Variants in CNTN6 observed in about 807,000 individuals in gnomAD.
The protein encoded by CNTN6 is contactin-6.
A neutral mutation model predicts 122.8 loss-of-function variants in CNTN6; 137 were observed. The observed-to-expected ratio is 1.12, with a 90% confidence interval of 0.97 to 1.29. CNTN6 has a LOEUF of 1.29. Among genes scored for constraint, CNTN6 ranks in the 50% most tolerant of loss-of-function variants. CNTN6 has a pLI of 0.00. For missense variants in CNTN6, 1,634 were observed against 1,223.4 expected (o/e 1.34, Z -5.01); for synonymous variants, 570 against 426.0 (o/e 1.34, Z -4.16).
chr3:1,115,293 T>C (rs987638471), intron 1 of CNTN6, among the ~76,000 whole-genome samples: 1 of 152,178 alleles, frequency 6.6e-6, no homozygotes, highest in African/African-American at 2.4e-5. Flanking sequence ...ATGAATGTAT[T>C]GCTAGGGTTA....
At chr3:1,402,774 C>G (rs558818394) in intron 22 of CNTN6, 5 of 269,180 alleles carry the variant, frequency 1.9e-5, no homozygotes, top group South Asian at 9.5e-5. Flanking sequence ...TCACAAAAAT[C>G]AGAAAGATTT....
At chr3:1,384,317 T>C (rs183500817) in intron 19 of CNTN6, among the ~76,000 whole-genome samples, 1 of 149,818 alleles carries the variant, frequency 6.7e-6, no homozygotes, top group African/African-American at 2.5e-5. Context: ...AGAGGTGAAG[T>C]CTGCTCCTCA....
intron 2 of CNTN6, among the ~76,000 whole-genome samples, chr3:1,194,429 C>A (rs2093746587): frequency 6.6e-6 from 1 of 151,772 alleles, no homozygotes. Context: ...GAAAAACTTG[C>A]AAAGAAAATT....
intron 2 of CNTN6, among the ~76,000 whole-genome samples, chr3:1,172,473 A>C (rs923457347): frequency 1.3e-5 from 2 of 152,186 alleles, no homozygotes; most frequent in African/African-American, 4.8e-5. Flanking sequence ...TTTCGAGTAA[A>C]GTTTTCTGAG....
chr3:1,139,736 T>G (rs898621693), intron 1 of CNTN6, among the ~76,000 whole-genome samples: 6 of 152,036 alleles, frequency 3.9e-5, no homozygotes, highest in Non-Finnish European at 8.8e-5. Context: ...AACAAATTTG[T>G]AGAAAATAAA....
chr3:1,315,798 C>T (rs1265199791), intron 7 of CNTN6, among the ~76,000 whole-genome samples: 3 of 151,148 alleles, frequency 2.0e-5, no homozygotes, highest in African/African-American at 7.4e-5. Context: ...GTGAACATGA[C>T]TACTATGATC....
intron 11 of CNTN6, among the ~76,000 whole-genome samples, chr3:1,346,178 T>TA (rs1326427724): frequency 2.6e-5 from 4 of 152,152 alleles, no homozygotes; most frequent in Non-Finnish European, 5.9e-5. Flanking sequence ...TTAGATTTGT[T>TA]ATAGTGACAA....
At chr3:1,376,955 A>G in intron 16 of CNTN6, 50 bp from the exon 17 acceptor site, 1 of 1,245,808 alleles carries the variant, frequency 8.0e-7, no homozygotes, top group Non-Finnish European at 1.2e-6. Context: ...CTTCCTGATG[A>G]AGACGTACTT....
chr3:1,344,206 A>G (rs543707188), intron 11 of CNTN6, among the ~76,000 whole-genome samples: 1 of 152,272 alleles, frequency 6.6e-6, no homozygotes, highest in South Asian at 2.1e-4. Context: ...AACAGTGCTC[A>G]GTTCTGCTTC....
intron 3 of CNTN6, 103 bp downstream of exon 3, chr3:1,220,916 CA>C: frequency 8.0e-7 from 1 of 1,256,072 alleles, no homozygotes; most frequent in Non-Finnish European, 1.1e-6. Flanking sequence ...TTGTAGTGTA[CA>C]GCTCAAGGAA....
At chr3:1,198,316 T>C (rs2093807979) in intron 2 of CNTN6, among the ~76,000 whole-genome samples, 1 of 152,228 alleles carries the variant, frequency 6.6e-6, no homozygotes. Context: ...TTAAAAGGCC[T>C]GAGAAATCAG....
chr3:1,379,544 C>T (rs928262898), intron 17 of CNTN6, among the ~76,000 whole-genome samples: 9 of 152,082 alleles, frequency 5.9e-5, no homozygotes, highest in African/African-American at 1.9e-4. Flanking sequence ...ATGCAACAAA[C>T]TTGCACATGT....
intron 4 of CNTN6, among the ~76,000 whole-genome samples, chr3:1,268,990 A>G (rs2094976525): frequency 6.6e-6 from 1 of 152,012 alleles, no homozygotes; most frequent in Admixed American, 6.5e-5. Flanking sequence ...CAAAAGTTAT[A>G]AAATAAATAA....
chr3:1,331,427 A>G (rs1702275348), intron 11 of CNTN6, among the ~76,000 whole-genome samples: 2 of 151,996 alleles, frequency 1.3e-5, no homozygotes, highest in Admixed American at 1.3e-4. Context: ...AAGACATAGG[A>G]ACAGGTGCTT....
intron 11 of CNTN6, among the ~76,000 whole-genome samples, chr3:1,346,555 C>A (rs888824001): frequency 6.6e-6 from 1 of 152,132 alleles, no homozygotes; most frequent in African/African-American, 2.4e-5. Context: ...TCTTTGTACA[C>A]ACCAGTTTCT....
chr3:1,188,926 G>C (rs1395136251), intron 2 of CNTN6, among the ~76,000 whole-genome samples: 1 of 152,206 alleles, frequency 6.6e-6, no homozygotes, highest in Non-Finnish European at 1.5e-5. Context: ...TATCCGTCTA[G>C]CCTAGGCTTG....
chr3:1,240,484 C>T (rs1042425902), intron 4 of CNTN6, among the ~76,000 whole-genome samples: 9 of 152,130 alleles, frequency 5.9e-5, no homozygotes, highest in African/African-American at 2.2e-4. Flanking sequence ...TACGACCTCC[C>T]TCCTGCAAGA....
At chr3:1,350,883 G>T (rs1020964545) in intron 11 of CNTN6, among the ~76,000 whole-genome samples, 4 of 151,850 alleles carry the variant, frequency 2.6e-5, no homozygotes, top group Admixed American at 1.3e-4. Context: ...ATCAGATAAA[G>T]AATTATATTT....
At chr3:1,228,125 G>C in intron 4 of CNTN6, 132 bp downstream of exon 4, 1 of 751,310 alleles carries the variant, frequency 1.3e-6, no homozygotes, top group Non-Finnish European at 2.0e-6. Context: ...TTTTGACAAT[G>C]TTCATTTTGT....
Sources: gnomAD v4.1 joint callset for allele counts (sites outside exome capture counted in the v4.1 genomes callset) on GRCh38, gnomAD v4.1.1 for gene constraint, MANE v1.5 for transcripts, NCBI Gene and HGNC (gene_info 2026-07-23, HGNC 2026-07-21) for gene names.